Variants in ATP2B2 observed in about 807,000 individuals in gnomAD.
ATP2B2 encodes the protein ATPase plasma membrane Ca2+ transporting 2.
A neutral mutation model predicts 120.0 loss-of-function variants in ATP2B2; 15 were observed. The ratio of observed to expected loss-of-function variants is 0.12; its 90% CI spans 0.08 to 0.19. ATP2B2 has a LOEUF of 0.19. Among genes scored for constraint, ATP2B2 ranks in the 10% least tolerant of loss-of-function variants. The pLI is 1.00. For missense variants in ATP2B2, 1,045 were observed against 1,719.8 expected (o/e 0.61, Z 6.94); for synonymous variants, 694 against 700.3 (o/e 0.99, Z 0.14).
At chr3:10,587,277 C>A (rs1201801885) in intron 2 of ATP2B2, among the ~76,000 whole-genome samples, 1 of 151,528 alleles carries the variant, frequency 6.6e-6, no homozygotes, top group Non-Finnish European at 1.5e-5. Flanking sequence ...TGCACTCCAG[C>A]CTGGGTGACA....
rs1156411046 is a variant in ATP2B2, at chr3:10,328,774, G to A, written c.*40C>T. 3 of 1,563,462 alleles carry A rather than the reference G, an allele frequency of 1.9e-6. No individual in the cohort carries two copies. Among genetic ancestry groups the A allele is most frequent in the Non-Finnish European group, 2.6e-6 (3 of 1,150,014 alleles). ...GGTGCCCGGAAAGCGGGTGGCAGCG[G>A]GGTCCATGAGGGCGGGCGGGCAGGC... On this transcript the variant is annotated 3_prime_UTR_variant, in exon 23 of 23. Transcript: ENST00000360273.
In ATP2B2 at chr3:10,327,000, G is replaced by A. The variant is rs1009184243; in HGVS notation, c.*1814C>T. 7 of 397,824 alleles carry A rather than the reference G, an allele frequency of 1.8e-5. No individual in the cohort carries two copies. The highest frequency in any genetic ancestry group is 4.4e-5 in the Admixed American group (1 of 22,714). The allele number at this position is 397,824 out of a possible 1,614,324, so 24.6% of individuals were successfully genotyped here. A position where few individuals can be genotyped will look rare whatever the true frequency, so the allele number is the denominator to read the frequency against. ...AGGCGGAAAGTGTTTGGTTTTCCTC[G>A]AAGCATGGGACATCATCGATCATGG... On this transcript the variant is annotated 3_prime_UTR_variant, in exon 23 of 23. Coordinates refer to ENST00000360273, the MANE Select transcript of ATP2B2 (RefSeq NM_001001331.4).
At chr3:10,514,602 C>T (rs988703092) in intron 3 of ATP2B2, among the ~76,000 whole-genome samples, 6 of 152,322 alleles carry the variant, frequency 3.9e-5, no homozygotes, top group South Asian at 4.1e-4. Flanking sequence ...TGGTCACCAC[C>T]GGCCTTGAGC....
In ATP2B2 at chr3:10,502,898, C is replaced by T. The variant is rs529600339; in HGVS notation, c.-320+2567G>A. On this transcript the variant is annotated intron_variant, in intron 1 of 22. Coordinates refer to ENST00000360273, the MANE Select transcript of ATP2B2 (RefSeq NM_001001331.4). ...ACCTGGTGGCCTGCCTTCTACCTCC[C>T]CTCTGCCACATGCCAGCTGTGTGAC... is the stretch of plus-strand genomic sequence containing the variant. Among the ~76,000 whole-genome samples, 378 of 152,360 alleles carry T rather than the reference C, an allele frequency of 2.5e-3. 3 individuals are homozygous for T. The highest frequency in any genetic ancestry group is 0.021 in the South Asian group (100 of 4,824).
At position 10,346,234 on chromosome 3, in the gene ATP2B2, T is replaced by C; in HGVS notation, c.2405-97A>G. On this transcript the variant is annotated intron_variant, in intron 16 of 22. Transcript: ENST00000360273. This position sits in a 1 kb window ranked among gnomAD's most constrained non-coding sequence, Gnocchi z 4.1. ...CGGGAGGGGCCTGGCTGGGCATGGC[T>C]TCCTCTCTGGTCCCTGTCCAGCCGC... 1 of 1,198,668 alleles carries C rather than the reference T, an allele frequency of 8.3e-7. No homozygotes were observed. The highest frequency in any genetic ancestry group is 1.9e-5 in the Admixed American group (1 of 53,894). The allele number at this position is 1,198,668 out of a possible 1,614,324, so 74.3% of individuals were successfully genotyped here. A position where few individuals can be genotyped will look rare whatever the true frequency, so the allele number is the denominator to read the frequency against.
chr3:10,523,331 ACTTT>A, intron 3 of ATP2B2, among the ~76,000 whole-genome samples: 1 of 152,302 alleles, frequency 6.6e-6, no homozygotes, highest in South Asian at 2.1e-4. Context: ...CAAGCTTTTA[ACTTT>A]CTATTAAAAA....
intron 1 of ATP2B2, among the ~76,000 whole-genome samples, chr3:10,673,437 A>G (rs1258453991): frequency 6.6e-6 from 1 of 151,660 alleles, no homozygotes; most frequent in African/African-American, 2.4e-5. Flanking sequence ...GAGACAAAGA[A>G]AGAAACAAAG....
intron 2 of ATP2B2, among the ~76,000 whole-genome samples, chr3:10,426,174 C>T (rs1375759437): frequency 6.6e-6 from 1 of 152,130 alleles, no homozygotes; most frequent in African/African-American, 2.4e-5. Flanking sequence ...GGCTGAACCC[C>T]CCTCCTAGAT....
chr3:10,437,640 G>A (rs909919033), intron 2 of ATP2B2, among the ~76,000 whole-genome samples: 1 of 152,258 alleles, frequency 6.6e-6, no homozygotes, highest in Non-Finnish European at 1.5e-5. Context: ...CTTTACAGAA[G>A]CGAAAGCTTC....
intron 2 of ATP2B2, among the ~76,000 whole-genome samples, chr3:10,544,391 CA>C (rs1175487048): frequency 6.6e-6 from 1 of 152,184 alleles, no homozygotes; most frequent in African/African-American, 2.4e-5. Context: ...GGTCTCTCAT[CA>C]AACAGAGTTT....
intron 2 of ATP2B2, among the ~76,000 whole-genome samples, chr3:10,551,068 T>A (rs562998876): frequency 6.6e-6 from 1 of 152,330 alleles, no homozygotes; most frequent in African/African-American, 2.4e-5. Context: ...TACTCTCATT[T>A]AGGTCTCTTT....
intron 2 of ATP2B2, among the ~76,000 whole-genome samples, chr3:10,583,639 TG>T (rs1250123710): frequency 6.6e-6 from 1 of 152,174 alleles, no homozygotes; most frequent in Non-Finnish European, 1.5e-5. Flanking sequence ...AGGACAACTT[TG>T]CAAGTGTGAT....
intron 1 of ATP2B2, among the ~76,000 whole-genome samples, chr3:10,693,934 C>G (rs549351482): frequency 4.6e-5 from 7 of 152,184 alleles, no homozygotes; most frequent in Non-Finnish European, 4.4e-5. Context: ...TTGCAGGCAC[C>G]ATGCAGTGGG....
At chr3:10,332,204 A>C in intron 22 of ATP2B2, 2 of 654,668 alleles carry the variant, frequency 3.1e-6, no homozygotes, top group Non-Finnish European at 5.6e-6. Flanking sequence ...TCTCCCCCTA[A>C]CAGTGCAAAC....
chr3:10,407,013 C>T (rs191627881), intron 3 of ATP2B2, among the ~76,000 whole-genome samples: 149 of 152,312 alleles, frequency 9.8e-4, no homozygotes, highest in African/African-American at 3.5e-3. Context: ...TATTTCTTGC[C>T]TGCCCCCAGA....
At chr3:10,670,471 G>T (rs2071066752) in intron 1 of ATP2B2, among the ~76,000 whole-genome samples, 1 of 152,182 alleles carries the variant, frequency 6.6e-6, no homozygotes, top group South Asian at 2.1e-4. Context: ...AGGCTGGAAT[G>T]CAGTGGTGTG....
At chr3:10,529,351 T>G (rs533943375) in intron 3 of ATP2B2, among the ~76,000 whole-genome samples, 145 of 152,370 alleles carry the variant, frequency 9.5e-4, no homozygotes, top group African/African-American at 3.3e-3. Context: ...TTCCTGCCTG[T>G]AACCACCTTG....
intron 2 of ATP2B2, among the ~76,000 whole-genome samples, chr3:10,561,169 G>A (rs549569652): frequency 6.6e-6 from 1 of 152,270 alleles, no homozygotes; most frequent in East Asian, 1.9e-4. Flanking sequence ...TCTCCACCAG[G>A]CTGAGAGCTC....
At position 10,325,330 on chromosome 3, in the gene ATP2B2, T is replaced by TA. The variant is rs545958540; in HGVS notation, c.*3483dup. ...GAGTGAAGGGACTCATCCCACCACA[T>TA]AATAAGACATTAGAAATTGACAATA... On this transcript the variant is annotated 3_prime_UTR_variant, in exon 23 of 23. Transcript: ENST00000360273. 3.9e-4 allele frequency: 59 copies of TA among 152,292 alleles called. No homozygotes were observed. The highest frequency in any genetic ancestry group is 1.4e-3 in the African/African-American group (58 of 41,564). 9.4% of individuals were successfully genotyped at this position (152,292 alleles called of 1,614,324 possible).
Sources: gnomAD v4.1 joint callset for allele counts (sites outside exome capture counted in the v4.1 genomes callset) on GRCh38, gnomAD v4.1.1 for gene constraint, Gnocchi (gnomAD v3.1) non-coding constraint, MANE v1.5 for transcripts, NCBI Gene and HGNC (gene_info 2026-07-23, HGNC 2026-07-21) for gene names.